TICRR: variants seen among roughly 807,000 people sequenced by gnomAD.
TICRR encodes TOPBP1 interacting checkpoint and replication regulator.
In TICRR, 132 loss-of-function variants were observed where a neutral mutation model predicts 178.1. That is an observed-to-expected ratio of 0.74 (90% CI 0.64 to 0.86). The LOEUF (loss-of-function observed/expected upper bound fraction) is 0.86. TICRR is among the 40% of genes least tolerant of loss of function. TICRR has a pLI of 0.00. For missense variants in TICRR, 2,587 were observed against 2,334.3 expected (o/e 1.11, Z -2.23); for synonymous variants, 991 against 900.7 (o/e 1.10, Z -1.79).
Position 89,584,321 on chromosome 15 carries a change from C to G in TICRR, c.970C>G (p.Leu324Val), listed in dbSNP as rs930289343. 4.3e-6 allele frequency: 7 copies of G among 1,613,982 alleles called. No homozygotes were observed. The highest frequency in any genetic ancestry group is 5.1e-6 in the Non-Finnish European group (6 of 1,179,976). ...KEIQETWTVT[L>V]EPLAMHQRHF... ...GATTCAAGAAACATGGACAGTCACCCTAGAGCCCTTGGCCATGCATCAGAG... is the reference window on the plus strand; with the variant it reads ...GATTCAAGAAACATGGACAGTCACCGTAGAGCCCTTGGCCATGCATCAGAG... The change falls in exon 3 of 22, where the codon CTA (leucine) becomes GTA (valine). Residue 324 changes from leucine to valine, a missense_variant. Coordinates refer to ENST00000268138, the MANE Select transcript of TICRR (RefSeq NM_152259.4).
At chr15:89,611,282 A>G (rs920480265) in intron 15 of TICRR, among the ~76,000 whole-genome samples, 4 of 151,388 alleles carry the variant, frequency 2.6e-5, no homozygotes, top group African/African-American at 9.7e-5. Context: ...TTGGTTGACA[A>G]TTTTTTTTTC....
intron 15 of TICRR, among the ~76,000 whole-genome samples, chr15:89,615,698 C>A (rs1322855384): frequency 6.6e-6 from 1 of 152,070 alleles, no homozygotes; most frequent in African/African-American, 2.4e-5. Flanking sequence ...AGCTTGGCTG[C>A]CTACTCTACT....
At position 89,627,135 on chromosome 15, in the gene TICRR, G is replaced by A. The variant is rs1431049237; in HGVS notation, c.*49G>A. 1 of 1,607,358 alleles carries A rather than the reference G, an allele frequency of 6.2e-7. No individual in the cohort carries two copies. Among genetic ancestry groups the A allele is most frequent in the Non-Finnish European group, 8.5e-7 (1 of 1,177,160 alleles). ...AGATCAAGGAGTCAGCCAGGACCCT[G>A]TGGACATAAAGAAGTTGGATGCCTG... On this transcript the variant is annotated 3_prime_UTR_variant, in exon 22 of 22. Coordinates refer to ENST00000268138, the MANE Select transcript of TICRR (RefSeq NM_152259.4).
rs1283353052 is a variant in TICRR, at chr15:89,575,555, G to A, written c.-32G>A. On this transcript the variant is annotated 5_prime_UTR_variant, in exon 1 of 22. Coordinates refer to ENST00000268138, the MANE Select transcript of TICRR (RefSeq NM_152259.4). ...ACTAAGGGACGGTGGCGCGGGCCCG[G>A]ACCGGGGCCCCGGGGCGGCGGCACG... 3 of 1,449,312 alleles carry A rather than the reference G, an allele frequency of 2.1e-6. No individual in the cohort carries two copies. In the Admixed American group the frequency reaches 8.8e-5, roughly 42 times the overall value. The allele number at this position is 1,449,312 out of a possible 1,614,324, so 89.8% of individuals were successfully genotyped here. A position where few individuals can be genotyped will look rare whatever the true frequency, so the allele number is the denominator to read the frequency against.
chr15:89,621,982 CTTTTTTTTTT>C (rs34123859), intron 19 of TICRR, among the ~76,000 whole-genome samples: 7 of 87,778 alleles, frequency 8.0e-5, no homozygotes, highest in African/African-American at 1.9e-4. Context: ...CAAACTGACT[CTTTTTTTTTT>C]TTTTTTTTTT....
chr15:89,585,776 T>C lies in TICRR; in HGVS notation c.1245T>C (p.Ser415=). 1.2e-6 allele frequency: 2 copies of C among 1,614,162 alleles called. No individual in the cohort carries two copies. Among genetic ancestry groups the C allele is most frequent in the East Asian group, 2.2e-5 (1 of 44,886 alleles). The change falls in exon 4 of 22, where the codon AGT becomes AGC. Residue 415 remains serine, a synonymous_variant. Transcript: ENST00000268138. The stretch of plus-strand genomic sequence containing the variant: ...GAGTTATTTCCCCACTCTCTGCCAG[T>C]GCTATGATCCTCACTGTGTGCCGCA... ...ITGVISPLSA[S]AMILTVCRTK... is the part of the protein sequence containing the mutation.
At position 89,627,026 on chromosome 15, in the gene TICRR, C is replaced by A; in HGVS notation, c.5673C>A (p.Arg1891=). ...TCAGTCGCGCTTTCTCCAGGAGGCGCCCCATCAGCAGAACTTATACACGGA... is the reference window on the plus strand; with the variant it reads ...TCAGTCGCGCTTTCTCCAGGAGGCGACCCATCAGCAGAACTTATACACGGA... ...SPFSRAFSRR[R]PISRTYTRKK... The change falls in exon 22 of 22, where the codon CGC becomes CGA. Residue 1891 remains arginine, a synonymous_variant. Transcript: ENST00000268138. 40 of 1,614,130 alleles carry A rather than the reference C, an allele frequency of 2.5e-5. No homozygotes were observed. The highest frequency in any genetic ancestry group is 3.3e-5 in the Non-Finnish European group (39 of 1,180,022).
At chr15:89,601,234 C>T (rs1220321547) in intron 9 of TICRR, 64 bp from the exon 10 acceptor site, 34 of 1,427,808 alleles carry the variant, frequency 2.4e-5, no homozygotes, top group African/African-American at 7.1e-5. Flanking sequence ...TCTATGCTTA[C>T]GGAAGGAGCT....
chr15:89,583,010 T>TTACA, intron 2 of TICRR, 45 bp downstream of exon 2: 1 of 1,522,300 alleles, frequency 6.6e-7, no homozygotes, highest in Non-Finnish European at 8.8e-7. Flanking sequence ...TAAATCTCAG[T>TTACA]TACATTAATT....
intron 1 of TICRR, chr15:89,580,007 T>C (rs1962695975): frequency 6.6e-6 from 1 of 152,174 alleles, no homozygotes; most frequent in Non-Finnish European, 1.5e-5. Flanking sequence ...CAACACTTAT[T>C]AAAGTTACAT....
Position 89,618,193 on chromosome 15 carries a change from C to T in TICRR, c.3002C>T (p.Ser1001Phe). ...CCTGATATTGGTGTTGTTGAAGAGT[C>T]CCCTGAAAAAGGAGATGGTGAGTGT... ...PGPDIGVVEE[S>F]PEKGDEISLR... Residue 1001 changes from serine to phenylalanine, a missense_variant, in exon 17 of 22, where the codon TCC (serine) becomes TTC (phenylalanine). Transcript: ENST00000268138. 1 of 1,614,076 alleles carries T rather than the reference C, an allele frequency of 6.2e-7. No homozygotes were observed. Among genetic ancestry groups the T allele is most frequent in the Non-Finnish European group, 8.5e-7 (1 of 1,179,998 alleles).
rs1299508724 is a variant in TICRR at position 89,601,405 on chromosome 15, T to G, written c.2247+14T>G. 3 of 1,613,668 alleles carry G rather than the reference T, an allele frequency of 1.9e-6. No individual in the cohort carries two copies. In the African/African-American group the frequency reaches 4.0e-5, roughly 22 times the overall value. ...GTAGTGGAGGAGGCAAGTATATAGT[T>G]TCGTGCCATTGAAATACGCCCTAGA... On this transcript the variant is annotated intron_variant, in intron 10 of 21. Transcript: ENST00000268138.
intron 15 of TICRR, 103 bp downstream of exon 15, chr15:89,609,052 C>A: frequency 9.5e-7 from 1 of 1,048,532 alleles, no homozygotes. Context: ...GAGTCTTCTT[C>A]CCTCTTTTTT....
intron 15 of TICRR, among the ~76,000 whole-genome samples, chr15:89,613,076 C>T (rs1963278555): frequency 6.6e-6 from 1 of 152,200 alleles, no homozygotes; most frequent in Non-Finnish European, 1.5e-5. Flanking sequence ...CCTTTCCTTT[C>T]AGCCCACAGG....
chr15:89,608,956 C>G lies in TICRR; in HGVS notation c.2869+7C>G. 1 of 1,582,854 alleles carries G rather than the reference C, an allele frequency of 6.3e-7. No homozygotes were observed. The highest frequency in any genetic ancestry group is 8.5e-7 in the Non-Finnish European group (1 of 1,170,074). On this transcript the variant is annotated splice_region_variant and intron_variant, in intron 15 of 21. Coordinates refer to ENST00000268138, the MANE Select transcript of TICRR (RefSeq NM_152259.4). ...AACTTCAAGAAGAACAAAGGTACCA[C>G]ATTTCAGAATAGCTAGGAAAAAGGA...
intron 4 of TICRR, 65 bp downstream of exon 4, chr15:89,586,007 C>A: frequency 8.0e-7 from 1 of 1,251,172 alleles, no homozygotes. Context: ...AGCATCGGGA[C>A]TTTTTCACTG....
chr15:89,625,597 T>C lies in TICRR; in HGVS notation c.5287T>C (p.Ser1763Pro), dbSNP rs1963507343. 3 of 1,612,962 alleles carry C rather than the reference T, an allele frequency of 1.9e-6. No homozygotes were observed. In the African/African-American group the frequency reaches 4.0e-5, roughly 22 times the overall value. ...CAGCATGCCTAAGGCCGAGGAAGCC[T>C]CTTCCTGGGGACAGTTTGGGTTGAG... is the stretch of plus-strand genomic sequence containing the variant. ...RNSMPKAEEA[S>P]SWGQFGLSSR... The change falls in exon 20 of 22, where the codon TCT (serine) becomes CCT (proline). Residue 1763 changes from serine to proline, a missense_variant. Ser to Pro is a moderately conservative substitution (Grantham distance 74). Transcript: ENST00000268138.
chr15:89,600,648 C>G lies in TICRR; in HGVS notation c.2116C>G (p.Leu706Val). Residue 706 changes from leucine (L) to valine (V), a missense_variant, in exon 9 of 22, where the codon CTA (leucine) becomes GTA (valine). Coordinates refer to ENST00000268138, the MANE Select transcript of TICRR (RefSeq NM_152259.4). The part of the protein sequence containing the change: ...LKTSKSLRQN[L>V]GKKLDKEDKV... ...AACTAGTAAAAGTCTTCGACAGAAT[C>G]TAGGAAAAAAACTGGATAAGGAAGA... The G allele has an allele frequency of 6.3e-7, 1 of 1,593,836 alleles. No homozygotes were observed. Among genetic ancestry groups the G allele is most frequent in the Non-Finnish European group, 8.6e-7 (1 of 1,169,520 alleles).
chr15:89,576,052 C>G lies in TICRR; in HGVS notation c.466C>G (p.Leu156Val). 2.5e-6 allele frequency: 4 copies of G among 1,611,312 alleles called. No individual in the cohort carries two copies. Among genetic ancestry groups the G allele is most frequent in the Non-Finnish European group, 3.4e-6 (4 of 1,179,510 alleles). Residue 156 changes from leucine (L) to valine (V), a missense_variant, in exon 1 of 22, where the codon CTC becomes GTC. Transcript: ENST00000268138. ...ALGGLVNAVF[L>V]LAPCPHSQRE... ...CGGGGGCTTGGTGAACGCCGTCTTC[C>G]TCCTGGCCCCCTGTCCGCACTCGCA...
Sources: gnomAD v4.1 joint callset for allele counts (sites outside exome capture counted in the v4.1 genomes callset) on GRCh38, gnomAD v4.1.1 for gene constraint, MANE v1.5 for transcripts, NCBI Gene and HGNC (gene_info 2026-07-23, HGNC 2026-07-21) for gene names.